The following MKS1 variants were observed in gnomAD, a reference collection of about 807,000 sequenced individuals.
MKS1 encodes MKS transition zone complex subunit 1.
A neutral mutation model predicts 83.7 loss-of-function variants in MKS1; 70 were observed. That is an observed-to-expected ratio of 0.84 (90% CI 0.69 to 1.02). The LOEUF is 1.02. Among genes scored for constraint, MKS1 ranks in the 50% least tolerant of loss-of-function variants. The pLI is 0.00. For synonymous variants in MKS1, 251 were observed against 273.4 expected (o/e 0.92, Z 0.81); for missense variants, 681 against 726.9 (o/e 0.94, Z 0.73).
At chr17:58,210,168 C>G (rs1436756256) in intron 11 of MKS1, among the ~76,000 whole-genome samples, 1 of 152,146 alleles carries the variant, frequency 6.6e-6, no homozygotes, top group South Asian at 2.1e-4. Flanking sequence ...ACAGAAATGA[C>G]AAAAGAGGTA....
chr17:58,206,922 C>T, intron 15 of MKS1, 163 bp downstream of exon 15: 1 of 966,142 alleles, frequency 1.0e-6, no homozygotes, highest in Non-Finnish European at 1.6e-6. Context: ...GATATTGGAA[C>T]CTGATTCAAA....
intron 14 of MKS1, 75 bp downstream of exon 14, chr17:58,207,819 G>T: frequency 1.5e-6 from 2 of 1,343,224 alleles, no homozygotes; most frequent in Non-Finnish European, 2.1e-6. Flanking sequence ...CCCCTCACCA[G>T]AAGCATTCGA....
intron 11 of MKS1, among the ~76,000 whole-genome samples, chr17:58,208,921 C>T (rs1389528988): frequency 6.6e-6 from 1 of 152,132 alleles, no homozygotes; most frequent in African/African-American, 2.4e-5. Context: ...TCTTGCACCG[C>T]CCTTAATCCA....
chr17:58,213,906 G>A (rs766307478), intron 6 of MKS1, 37 bp from the exon 7 acceptor site: 1 of 1,527,440 alleles, frequency 6.5e-7, no homozygotes, highest in South Asian at 1.1e-5. Context: ...GAGGTCAATG[G>A]TCCTTCAGGG....
rs749503564 is a variant in MKS1, at chr17:58,207,193, C to T, written c.1299G>A (p.Thr433=). The change falls in exon 15 of 18, where the codon ACG becomes ACA. Residue 433 remains threonine (T), a synonymous_variant. Coordinates refer to ENST00000393119, the MANE Select transcript of MKS1 (RefSeq NM_017777.4). The part of the protein sequence containing the change: ...TPGSHTLTVS[T]WRPVELGTVA... ...CCGTGCCAAGCTCCACAGGTCTCCA[C>T]GTGGAGACTGTCAGGGTGTGTGAGC... 15 of 1,614,044 alleles carry T rather than the reference C, an allele frequency of 9.3e-6. No homozygotes were observed. Among genetic ancestry groups the T allele is most frequent in the East Asian group, 6.7e-5 (3 of 44,888 alleles).
chr17:58,218,823 G>T (rs1161537242), intron 1 of MKS1, 94 bp from the exon 2 acceptor site: 1 of 1,179,960 alleles, frequency 8.5e-7, no homozygotes, highest in Non-Finnish European at 1.2e-6. Flanking sequence ...AGGAGGTAGG[G>T]TTGCCAAGGT....
rs1404195978 is a variant in MKS1, at chr17:58,216,233, T to G, written c.272A>C (p.Asp91Ala). The change falls in exon 4 of 18, where the codon GAT becomes GCT. Residue 91 changes from aspartate to alanine, a missense_variant. Transcript: ENST00000393119. ...ACAGGCTGTTTCATTTTGGTACAGA[T>G]CTACTTCAAACTGAGGTTACCATAA... ...QEKLFSQFEV[D>A]LYQNETACQS... 7 of 1,613,032 alleles carry G rather than the reference T, an allele frequency of 4.3e-6. No individual in the cohort carries two copies. Among genetic ancestry groups the G allele is most frequent in the Non-Finnish European group, 5.9e-6 (7 of 1,179,968 alleles).
At chr17:58,206,969 A>G in intron 15 of MKS1, 116 bp downstream of exon 15, 1 of 1,432,746 alleles carries the variant, frequency 7.0e-7, no homozygotes, top group Non-Finnish European at 9.8e-7. Flanking sequence ...CACAGGAAGG[A>G]AGGGGTTAAT....
intron 1 of MKS1, 149 bp from the exon 2 acceptor site, chr17:58,218,878 C>G (rs1375556056): frequency 1.2e-6 from 1 of 849,736 alleles, no homozygotes; most frequent in African/African-American, 1.7e-5. Flanking sequence ...GGTGCGCCGT[C>G]CTATGGGGAA....
chr17:58,216,119 G>C lies in MKS1; in HGVS notation c.386C>G (p.Thr129Ser). 1.2e-6 allele frequency: 2 copies of C among 1,614,224 alleles called. No individual in the cohort carries two copies. Among genetic ancestry groups the C allele is most frequent in the South Asian group, 2.2e-5 (2 of 91,090 alleles). Residue 129 changes from threonine to serine, a missense_variant, in exon 4 of 18, where the codon ACT becomes AGT. Transcript: ENST00000393119. The stretch of plus-strand genomic sequence containing the variant: ...CAAATTGGTGTATCTATCAGAGTCA[G>C]TGTAGGTAAAGATTCGTCGGTTTTT... ...GKKNRRIFTY[T>S]DSDRYTNLEE...
rs1968763696 is a variant in MKS1 at position 58,209,785 on chromosome 17, T to C, written c.1024+874A>G. The stretch of plus-strand genomic sequence containing the variant: ...TCAGCTCAAAAGGGACATAACTTGT[T>C]TACATTTTTTAAAGCTCAACTTGGC... On this transcript the variant is annotated intron_variant, in intron 11 of 17. Coordinates refer to ENST00000393119, the MANE Select transcript of MKS1 (RefSeq NM_017777.4). This position sits in a 1 kb window ranked among gnomAD's most constrained non-coding sequence, Gnocchi z 4.1. Among the ~76,000 whole-genome samples the C allele has an allele frequency of 6.6e-6, 1 of 152,152 alleles. No individual in the cohort carries two copies. Among genetic ancestry groups the C allele is most frequent in the African/African-American group, 2.4e-5 (1 of 41,424 alleles).
At chr17:58,211,052 G>C (rs1297505250) in intron 9 of MKS1, 30 bp from the exon 10 acceptor site, 1 of 1,611,726 alleles carries the variant, frequency 6.2e-7, no homozygotes, top group Non-Finnish European at 8.5e-7. Context: ...GAAAGGATCA[G>C]CAGGCCTGGA....
In MKS1 at chr17:58,205,707, C is replaced by T. The variant is rs1223415456; in HGVS notation, c.*372G>A. On this transcript the variant is annotated 3_prime_UTR_variant, in exon 18 of 18. Transcript: ENST00000393119. ...CTTTGGTCTTGGAAGATGAAAGGCT[C>T]CATTTTTAAAGGGTGGAGAACAGCA... The T allele has an allele frequency of 1.5e-6, 2 of 1,329,498 alleles. No homozygotes were observed. Among genetic ancestry groups the T allele is most frequent in the East Asian group, 1.0e-4 (2 of 19,962 alleles). 82.4% of individuals were successfully genotyped at this position (1,329,498 alleles called of 1,614,324 possible). A position where few individuals can be genotyped will look rare whatever the true frequency, so the allele number is the denominator to read the frequency against.
Position 58,213,074 on chromosome 17 carries a change from C to A in MKS1, c.766G>T (p.Glu256Ter). 6.2e-7 allele frequency: 1 copy of A among 1,614,150 alleles called. No individual in the cohort carries two copies. The change falls in exon 8 of 18, where the codon GAG becomes TAG. Residue 256 changes from glutamate (E) to a stop codon, truncating the protein, a stop_gained. Coordinates refer to ENST00000393119, the MANE Select transcript of MKS1 (RefSeq NM_017777.4). LOFTEE classifies it high-confidence loss of function. ...GTATATTTCCACAGCTCCTGCTTCT[C>A]CCCCTCCGTCTCAATCCTGTAAGGT... ...KGPYRIETEG[E>*]KQELWKYTID...
chr17:58,209,245 C>T lies in MKS1; in HGVS notation c.1025-662G>A, dbSNP rs547585141. Among the ~76,000 whole-genome samples, 20 of 152,058 alleles carry T rather than the reference C, an allele frequency of 1.3e-4. No individual in the cohort carries two copies. The highest frequency in any genetic ancestry group is 1.9e-4 in the African/African-American group (8 of 41,460). On this transcript the variant is annotated intron_variant, in intron 11 of 17. Transcript: ENST00000393119. The surrounding 1 kb of genome is among the most constrained non-coding windows in gnomAD (Gnocchi z 4.1). ...GCAGAGGCGCTCCTCACTTCCCAGACGGGGCGGACAGTTTCTTTATTCATT... is the reference window on the plus strand; with the variant it reads ...GCAGAGGCGCTCCTCACTTCCCAGATGGGGCGGACAGTTTCTTTATTCATT...
chr17:58,206,431 A>G, intron 16 of MKS1, 34 bp downstream of exon 16: 8 of 1,613,066 alleles, frequency 5.0e-6, no homozygotes, highest in Non-Finnish European at 5.9e-6. Flanking sequence ...CCTCAGGGCT[A>G]AGGTGCCCTG....
At chr17:58,214,625 A>G in intron 5 of MKS1, 116 bp downstream of exon 5, 1 of 1,110,098 alleles carries the variant, frequency 9.0e-7, no homozygotes, top group Non-Finnish European at 1.2e-6. Context: ...TATTTTTTAA[A>G]TTAATTACAA....
Position 58,216,284 on chromosome 17 carries a change from TA to T in MKS1, c.262-42del, listed in dbSNP as rs765774015. 146 of 1,594,890 alleles carry T rather than the reference TA, an allele frequency of 9.2e-5. 1 individual carries two copies. The highest frequency in any genetic ancestry group is 1.2e-4 in the Non-Finnish European group (140 of 1,170,480). ...GGAAACAGAGATGTGTACATCATTA[TA>T]ATACATCAAACTTTTGCTTCTGTAA... On this transcript the variant is annotated intron_variant, in intron 3 of 17. Coordinates refer to ENST00000393119, the MANE Select transcript of MKS1 (RefSeq NM_017777.4).
intron 2 of MKS1, chr17:58,218,405 G>T: frequency 2.5e-6 from 1 of 395,434 alleles, no homozygotes. Flanking sequence ...CGGAGATAGC[G>T]ACACTGCACT....
Sources: allele counts gnomAD v4.1 joint callset (sites outside exome capture counted in the v4.1 genomes callset), GRCh38; gene constraint gnomAD v4.1.1; non-coding constraint Gnocchi (gnomAD v3.1); transcripts MANE v1.5; gene names NCBI Gene and HGNC (gene_info 2026-07-23, HGNC 2026-07-21).